PON3: variants seen among roughly 807,000 people sequenced by gnomAD.
PON3 encodes paraoxonase 3, also known as serum paraoxonase/lactonase 3.
A neutral mutation model predicts 36.3 loss-of-function variants in PON3; 37 were observed. The observed-to-expected ratio is 1.02, with a 90% CI of 0.78 to 1.34. The LOEUF (loss-of-function observed/expected upper bound fraction) is 1.34, where lower values mean the gene tolerates loss of function less well. Among genes scored for constraint, PON3 ranks in the 40% most tolerant of loss-of-function variants. The pLI is 0.00. For missense variants in PON3, 415 were observed against 426.5 expected, an observed-to-expected ratio of 0.97 and a Z score of 0.24; for synonymous variants, 155 against 154.8, an observed-to-expected ratio of 1.00 and a Z score of -0.01.
chr7:95,364,158 T>A (rs1204565156), intron 5 of PON3, 95 bp from the exon 6 acceptor site: 1 of 975,982 alleles, frequency 1.0e-6, no homozygotes, highest in East Asian at 2.4e-5. Flanking sequence ...GACTAATACG[T>A]TCATCAATTT....
intron 2 of PON3, among the ~76,000 whole-genome samples, chr7:95,391,936 A>C (rs142885750): frequency 2.6e-4 from 40 of 152,342 alleles, no homozygotes; most frequent in Admixed American, 1.5e-3. Flanking sequence ...ACAGAGAGTA[A>C]AAAGGCATAG....
chr7:95,380,801 T>G lies in PON3; in HGVS notation c.202-8463A>C, dbSNP rs184529876. Among the ~76,000 whole-genome samples the G allele has an allele frequency of 5.6e-3, 853 of 152,236 alleles. 5 individuals are homozygous for G. The highest frequency in any genetic ancestry group is 9.2e-3 in the Non-Finnish European group (624 of 68,014). On this transcript the variant is annotated intron_variant, in intron 3 of 8. Transcript: ENST00000265627. Reference sequence around the variant, plus strand: ...CTGCAGGATATTATCCAGGAGAACTTCCCCAACCTAGCAAGGTAGGCCAAC... The same window carrying G: ...CTGCAGGATATTATCCAGGAGAACTGCCCCAACCTAGCAAGGTAGGCCAAC...
chr7:95,373,104 A>G (rs1202705857), intron 3 of PON3, among the ~76,000 whole-genome samples: 1 of 152,184 alleles, frequency 6.6e-6, no homozygotes, highest in Non-Finnish European at 1.5e-5. Context: ...ACCAGTTACA[A>G]AACAGTCCAC....
At chr7:95,362,193 G>C (rs1808584872) in intron 8 of PON3, among the ~76,000 whole-genome samples, 169 bp downstream of exon 8, 1 of 152,168 alleles carries the variant, frequency 6.6e-6, no homozygotes, top group Non-Finnish European at 1.5e-5. Flanking sequence ...TGGCCTAAAA[G>C]AGTTAACGAA....
At chr7:95,380,997 T>C (rs1330121678) in intron 3 of PON3, among the ~76,000 whole-genome samples, 3 of 152,188 alleles carry the variant, frequency 2.0e-5, no homozygotes, top group Non-Finnish European at 2.9e-5. Context: ...GACTAACAGC[T>C]GATCTCTTGG....
chr7:95,381,057 T>TCTG (rs1809042231), intron 3 of PON3, among the ~76,000 whole-genome samples: 1 of 152,118 alleles, frequency 6.6e-6, no homozygotes, highest in African/African-American at 2.4e-5. Flanking sequence ...TCAACGATAT[T>TCTG]AAAGAAAAGA....
intron 3 of PON3, among the ~76,000 whole-genome samples, chr7:95,383,802 C>G (rs1225142759): frequency 6.6e-6 from 1 of 152,130 alleles, no homozygotes; most frequent in Non-Finnish European, 1.5e-5. Context: ...AGATTCAATG[C>G]CATCCCCATC....
At chr7:95,394,854 T>C (rs1809395082) in intron 1 of PON3, 140 bp from the exon 2 acceptor site, 1 of 725,090 alleles carries the variant, frequency 1.4e-6, no homozygotes, top group Admixed American at 2.0e-5. Flanking sequence ...AGTAGGTACT[T>C]CCTTTCATGT....
chr7:95,367,617 A>G, intron 4 of PON3, 129 bp from the exon 5 acceptor site: 1 of 944,860 alleles, frequency 1.1e-6, no homozygotes, highest in East Asian at 2.5e-5. Flanking sequence ...CACAGTCTAC[A>G]TGATAGGTAA....
intron 4 of PON3, among the ~76,000 whole-genome samples, chr7:95,369,343 A>C (rs1335726262): frequency 1.3e-5 from 2 of 152,230 alleles, no homozygotes; most frequent in Non-Finnish European, 2.9e-5. Flanking sequence ...ATTAAAACAA[A>C]GAATACTAGA....
In PON3 at chr7:95,364,053, TG is replaced by T. The variant is rs1272584536; in HGVS notation, c.504del (p.Asp168GlufsTer28). On this transcript the variant is annotated frameshift_variant, in exon 6 of 9. Transcript: ENST00000265627. LOFTEE classifies it high-confidence loss of function. ...IKHELLKSVN[D>X]IVVLGPEQFY... ...AACTGTTCTGGTCCAAGAACCACAA[TG>T]TCATTCACACTAAAGTGAAAGGGAG... The T allele has an allele frequency of 3.7e-6, 6 of 1,613,526 alleles. No homozygotes were observed. Among genetic ancestry groups the T allele is most frequent in the Non-Finnish European group, 5.1e-6 (6 of 1,179,628 alleles).
chr7:95,370,777 A>G (rs1808792158), intron 4 of PON3, among the ~76,000 whole-genome samples: 1 of 151,976 alleles, frequency 6.6e-6, no homozygotes. Flanking sequence ...TATATTGATA[A>G]CTTATGTTTT....
chr7:95,385,514 A>G (rs940268059), intron 3 of PON3, among the ~76,000 whole-genome samples: 19 of 152,220 alleles, frequency 1.2e-4, no homozygotes, highest in Admixed American at 2.6e-4. Context: ...GATGAACGAG[A>G]CAGAAGGTTA....
intron 3 of PON3, among the ~76,000 whole-genome samples, chr7:95,381,231 C>T (rs1224344655): frequency 6.6e-6 from 1 of 152,138 alleles, no homozygotes; most frequent in Non-Finnish European, 1.5e-5. Flanking sequence ...ACAACCAGTA[C>T]CAGCCACTGC....
At chr7:95,371,792 T>G (rs1808812388) in intron 4 of PON3, among the ~76,000 whole-genome samples, 1 of 152,202 alleles carries the variant, frequency 6.6e-6, no homozygotes, top group South Asian at 2.1e-4. Flanking sequence ...GCTTTTAACT[T>G]TGATGAGTCT....
chr7:95,376,954 C>T lies in PON3; in HGVS notation c.202-4616G>A, dbSNP rs1361788577. On this transcript the variant is annotated intron_variant, in intron 3 of 8. Transcript: ENST00000265627. Reference sequence around the variant, plus strand: ...AAAGTGGGGCAGGGCGTCACCTCACCCAGGAAGTGCAAGGGGTCAGGGGAT... The same window carrying T: ...AAAGTGGGGCAGGGCGTCACCTCACTCAGGAAGTGCAAGGGGTCAGGGGAT... Among the ~76,000 whole-genome samples the T allele has an allele frequency of 3.3e-5, 5 of 152,282 alleles. No homozygotes were observed. In the South Asian group the frequency reaches 1.0e-3, roughly 32 times the overall value.
intron 3 of PON3, among the ~76,000 whole-genome samples, chr7:95,376,211 C>A (rs1016578580): frequency 2.0e-5 from 3 of 152,296 alleles, no homozygotes; most frequent in East Asian, 1.9e-4. Flanking sequence ...TAAAGTGCCA[C>A]CACAATGAAC....
At chr7:95,377,260 C>T (rs924907531) in intron 3 of PON3, among the ~76,000 whole-genome samples, 8 of 152,142 alleles carry the variant, frequency 5.3e-5, no homozygotes, top group South Asian at 2.1e-4. Context: ...ACAAAGAGGC[C>T]GGGAAGCTTG....
chr7:95,396,019 C>G lies in PON3; in HGVS notation c.74+258G>C. The G allele has an allele frequency of 2.3e-5, 12 of 527,018 alleles. No homozygotes were observed. In the South Asian group the frequency reaches 2.5e-4, roughly 11 times the overall value. The allele number at this position is 527,018 out of a possible 1,614,324, so 32.6% of individuals were successfully genotyped here. A position where few individuals can be genotyped will look rare whatever the true frequency, so the allele number is the denominator to read the frequency against. On this transcript the variant is annotated intron_variant, in intron 1 of 8. Transcript: ENST00000265627. ...TTCAGAAAGTAAAAGGGGGTCATGACCTTCAGAAAGCAAAGTGGGGGATCA... is the reference window on the plus strand; with the variant it reads ...TTCAGAAAGTAAAAGGGGGTCATGAGCTTCAGAAAGCAAAGTGGGGGATCA...
Sources: gnomAD v4.1 joint callset for allele counts (sites outside exome capture counted in the v4.1 genomes callset) on GRCh38, gnomAD v4.1.1 for gene constraint, MANE v1.5 for transcripts, NCBI Gene and HGNC (gene_info 2026-07-23, HGNC 2026-07-21) for gene names.